Variants in AADAT observed in about 807,000 individuals in gnomAD.
The protein encoded by AADAT is aminoadipate aminotransferase, also known as kynurenine/alpha-aminoadipate aminotransferase, mitochondrial.
A neutral mutation model predicts 56.2 loss-of-function variants in AADAT; 25 were observed. The observed-to-expected ratio is 0.44, with a 90% CI of 0.32 to 0.62. The LOEUF (loss-of-function observed/expected upper bound fraction) is 0.62. AADAT is among the 20% of genes least tolerant of loss of function. AADAT has a pLI of 0.04. For missense variants in AADAT, 387 were observed against 510.5 expected (o/e 0.76, Z 2.33); for synonymous variants, 173 against 164.7 (o/e 1.05, Z -0.39).
chr4:170,073,292 A>G lies in AADAT; in HGVS notation c.498T>C (p.Ile166=). 1 of 1,614,072 alleles carries G rather than the reference A, an allele frequency of 6.2e-7. No individual in the cohort carries two copies. Among genetic ancestry groups the G allele is most frequent in the Non-Finnish European group, 8.5e-7 (1 of 1,180,008 alleles). Residue 166 remains isoleucine (I), a synonymous_variant, in exon 5 of 13, where the codon ATT becomes ATC. Coordinates refer to ENST00000337664, the MANE Select transcript of AADAT (RefSeq NM_016228.4). ...IINVASDESG[I]VPDSLRDILS... ...GTATGTCTCTTAGGGAATCTGGAAC[A>G]ATCCCACTTTCATCACTGGCAACAT...
Position 170,088,561 on chromosome 4 carries a change from T to A in AADAT, c.71A>T (p.Asp24Val). The change falls in exon 2 of 13, where the codon GAC (aspartate) becomes GTC (valine). Residue 24 changes from aspartate to valine, a missense_variant. Transcript: ENST00000337664. ...CGATTTTGGTCCTCTGCTCAATATGTCAGCTACAATACACATGGAAGAGAA... is the reference window on the plus strand; with the variant it reads ...CGATTTTGGTCCTCTGCTCAATATGACAGCTACAATACACATGGAAGAGAA... ...RNPSPIRTMT[D>V]ILSRGPKSMI... 1.2e-6 allele frequency: 2 copies of A among 1,610,118 alleles called. No homozygotes were observed. Among genetic ancestry groups the A allele is most frequent in the Non-Finnish European group, 1.7e-6 (2 of 1,176,812 alleles).
chr4:170,084,182 A>T (rs773341787), intron 3 of AADAT, among the ~76,000 whole-genome samples: 10 of 152,180 alleles, frequency 6.6e-5, no homozygotes, highest in Non-Finnish European at 8.8e-5. Context: ...GAGCTAAAAA[A>T]GTGGATCTCA....
upstream of AADAT, among the ~76,000 whole-genome samples, chr4:170,090,704 C>T (rs2111225330): frequency 1.3e-5 from 2 of 152,216 alleles, no homozygotes; most frequent in South Asian, 4.1e-4. Context: ...TTCTTACTCC[C>T]CACCTCCCTC....
At chr4:170,085,729 T>TA (rs1343615301) in intron 3 of AADAT, among the ~76,000 whole-genome samples, 1 of 152,194 alleles carries the variant, frequency 6.6e-6, no homozygotes, top group Non-Finnish European at 1.5e-5. Flanking sequence ...ACTCAAACAC[T>TA]AGCTAATTCT....
At chr4:170,084,146 T>C (rs1439862305) in intron 3 of AADAT, among the ~76,000 whole-genome samples, 9 of 152,078 alleles carry the variant, frequency 5.9e-5, no homozygotes, top group Admixed American at 5.9e-4. Flanking sequence ...GAAACACAAA[T>C]ATTGCATGTT....
At chr4:170,064,496 G>T (rs1731350896) in intron 11 of AADAT, among the ~76,000 whole-genome samples, 2 of 152,326 alleles carry the variant, frequency 1.3e-5, no homozygotes, top group South Asian at 2.1e-4. Context: ...ATCAGTAGCT[G>T]AGATGAACAA....
intron 5 of AADAT, among the ~76,000 whole-genome samples, chr4:170,072,297 G>A (rs1169441176): frequency 6.9e-6 from 1 of 144,604 alleles, no homozygotes; most frequent in Non-Finnish European, 1.5e-5. Context: ...ATATGTGTGT[G>A]TGTATATATA....
At chr4:170,070,221 A>G (rs1350266708) in intron 6 of AADAT, among the ~76,000 whole-genome samples, 1 of 151,918 alleles carries the variant, frequency 6.6e-6, no homozygotes, top group Non-Finnish European at 1.5e-5. Context: ...TCAACGGCCA[A>G]AGATGAAACT....
Position 170,089,866 on chromosome 4 carries a change from C to G in AADAT, c.-176G>C. The G allele has an allele frequency of 3.1e-6, 2 of 637,846 alleles. No homozygotes were observed. Among genetic ancestry groups the G allele is most frequent in the South Asian group, 1.8e-5 (1 of 54,936 alleles). The allele number at this position is 637,846 out of a possible 1,614,324, so 39.5% of individuals were successfully genotyped here. On this transcript the variant is annotated 5_prime_UTR_variant, in exon 1 of 13. Transcript: ENST00000337664. ...GTGCCCGGAGAACGCCGCCGAAACT[C>G]CCCGGCTGGACGCTGCGTTCGGTCT...
intron 5 of AADAT, among the ~76,000 whole-genome samples, chr4:170,071,895 G>A (rs1421965558): frequency 6.6e-6 from 1 of 152,198 alleles, no homozygotes; most frequent in Non-Finnish European, 1.5e-5. Context: ...ACCATTCATA[G>A]TTGCACTCTT....
At chr4:170,063,922 A>C (rs1731317400) in intron 11 of AADAT, among the ~76,000 whole-genome samples, 1 of 152,120 alleles carries the variant, frequency 6.6e-6, no homozygotes, top group South Asian at 2.1e-4. Flanking sequence ...CCTCCAATGA[A>C]ACCTAAGTAG....
chr4:170,087,003 G>A (rs775597166), intron 3 of AADAT, 113 bp downstream of exon 3: 2 of 1,344,982 alleles, frequency 1.5e-6, no homozygotes, highest in Admixed American at 2.4e-5. Context: ...GTGAAGACAA[G>A]AAAGACTACC....
In AADAT at chr4:170,089,773, C is replaced by T; in HGVS notation, c.-83G>A. The T allele has an allele frequency of 7.1e-7, 1 of 1,413,334 alleles. No individual in the cohort carries two copies. The highest frequency in any genetic ancestry group is 9.9e-7 in the Non-Finnish European group (1 of 1,010,472). 87.5% of individuals were successfully genotyped at this position (1,413,334 alleles called of 1,614,324 possible). On this transcript the variant is annotated 5_prime_UTR_variant, in exon 1 of 13. Transcript: ENST00000337664. ...AAAGAGCCTCGTCAAGTCCTGCCTG[C>T]TAACTCCTCACTCTGGCAACGCCAC...
At chr4:170,088,057 CATTT>C (rs1299191962) in intron 2 of AADAT, among the ~76,000 whole-genome samples, 1 of 151,516 alleles carries the variant, frequency 6.6e-6, no homozygotes, top group Admixed American at 6.6e-5. Context: ...GACATCTTCT[CATTT>C]TTTTGGACTC....
intron 11 of AADAT, among the ~76,000 whole-genome samples, chr4:170,063,234 G>A (rs965933090): frequency 6.6e-6 from 1 of 152,192 alleles, no homozygotes; most frequent in Admixed American, 6.5e-5. Context: ...AAAGAGAAGG[G>A]AGTGGTGGTA....
chr4:170,091,376 A>C (rs1321502721), upstream of AADAT, among the ~76,000 whole-genome samples: 3 of 152,106 alleles, frequency 2.0e-5, no homozygotes, highest in East Asian at 5.8e-4. Flanking sequence ...CACCCGGGCC[A>C]GCAGCTGCGG....
chr4:170,088,724 G>A (rs776272787), intron 1 of AADAT, among the ~76,000 whole-genome samples, 160 bp from the exon 2 acceptor site: 2 of 152,138 alleles, frequency 1.3e-5, no homozygotes, highest in Non-Finnish European at 2.9e-5. Context: ...TTCATACTTG[G>A]AAGTTAATAC....
At chr4:170,086,199 T>C (rs951378338) in intron 3 of AADAT, among the ~76,000 whole-genome samples, 2 of 151,910 alleles carry the variant, frequency 1.3e-5, no homozygotes, top group Admixed American at 6.6e-5. Context: ...GGAGCCGTGA[T>C]TGCGCCACCG....
At chr4:170,092,674 C>T (rs1025263561), upstream of AADAT, among the ~76,000 whole-genome samples, 1 of 152,202 alleles carries the variant, frequency 6.6e-6, no homozygotes, top group African/African-American at 2.4e-5. Flanking sequence ...GGCTTAATAG[C>T]TGGGTGTCTT....
Sources: gnomAD v4.1 joint callset for allele counts (sites outside exome capture counted in the v4.1 genomes callset) on GRCh38, gnomAD v4.1.1 for gene constraint, MANE v1.5 for transcripts, NCBI Gene and HGNC (gene_info 2026-07-23, HGNC 2026-07-21) for gene names.